VPS26A: variants seen among roughly 807,000 people sequenced by gnomAD.
VPS26A encodes the protein VPS26 retromer complex component A, also known as vacuolar protein sorting-associated protein 26A.
Under a neutral mutation model 42.4 loss-of-function variants are expected in VPS26A, and 22 were observed. The observed-to-expected ratio is 0.52, with a 90% CI of 0.37 to 0.74. The LOEUF is 0.74. VPS26A is among the 30% of genes least tolerant of loss of function. The pLI is 0.00. For missense variants in VPS26A, 276 were observed against 379.2 expected (o/e 0.73, Z 2.26); for synonymous variants, 110 against 123.5 (o/e 0.89, Z 0.73).
chr10:69,138,557 C>G (rs909977017), intron 2 of VPS26A, among the ~76,000 whole-genome samples: 1 of 152,170 alleles, frequency 6.6e-6, no homozygotes, highest in Non-Finnish European at 1.5e-5. Flanking sequence ...GCCATAGTTG[C>G]ATGCAAAGAT....
chr10:69,166,162 T>C, intron 7 of VPS26A, 52 bp downstream of exon 7: 2 of 1,512,978 alleles, frequency 1.3e-6, no homozygotes, highest in Non-Finnish European at 1.8e-6. Context: ...TCAGTGTTCA[T>C]GGCAGTTTTG....
At chr10:69,143,617 C>G (rs886601663) in intron 2 of VPS26A, among the ~76,000 whole-genome samples, 1 of 152,158 alleles carries the variant, frequency 6.6e-6, no homozygotes, top group African/African-American at 2.4e-5. Context: ...CTTGTTTATC[C>G]TGTCTTCTCT....
At chr10:69,149,154 G>A (rs1589355232) in intron 2 of VPS26A, among the ~76,000 whole-genome samples, 1 of 152,086 alleles carries the variant, frequency 6.6e-6, no homozygotes, top group Non-Finnish European at 1.5e-5. Flanking sequence ...AATAGCAAAG[G>A]GGAGAATAAT....
At chr10:69,158,549 C>T (rs1234610026) in intron 5 of VPS26A, among the ~76,000 whole-genome samples, 2 of 151,882 alleles carry the variant, frequency 1.3e-5, no homozygotes, top group African/African-American at 2.4e-5. Flanking sequence ...TCACCTTTAC[C>T]ACTTAATCAC....
chr10:69,147,866 C>T (rs941577681), intron 2 of VPS26A, among the ~76,000 whole-genome samples: 1 of 152,172 alleles, frequency 6.6e-6, no homozygotes, highest in East Asian at 1.9e-4. Flanking sequence ...GCATGTGCCA[C>T]CATGCCCACC....
chr10:69,140,623 G>A (rs1403484541), intron 2 of VPS26A, among the ~76,000 whole-genome samples: 1 of 152,108 alleles, frequency 6.6e-6, no homozygotes, highest in Non-Finnish European at 1.5e-5. Flanking sequence ...GAGCTCAGGC[G>A]ATCCACCTGT....
intron 5 of VPS26A, 87 bp downstream of exon 5, chr10:69,158,298 A>G: frequency 8.9e-7 from 1 of 1,117,366 alleles, no homozygotes; most frequent in Non-Finnish European, 1.2e-6. Context: ...GTAAGGATAG[A>G]ATTGACATTA....
intron 7 of VPS26A, 38 bp from the exon 8 acceptor site, chr10:69,168,451 T>C (rs183282564): frequency 5.1e-5 from 82 of 1,596,480 alleles, no homozygotes; most frequent in Non-Finnish European, 6.3e-5. Flanking sequence ...CTATATTTAA[T>C]CATCTTTAGA....
intron 2 of VPS26A, 72 bp from the exon 3 acceptor site, chr10:69,155,740 A>T: frequency 9.0e-7 from 1 of 1,106,320 alleles, no homozygotes; most frequent in South Asian, 1.3e-5. Flanking sequence ...TATTGCATTC[A>T]TCTGAAAGGA....
chr10:69,139,133 C>A (rs1408084622), intron 2 of VPS26A, among the ~76,000 whole-genome samples: 1 of 152,122 alleles, frequency 6.6e-6, no homozygotes, highest in African/African-American at 2.4e-5. Context: ...TTGTCTGAAG[C>A]TTATTCTCTA....
intron 6 of VPS26A, among the ~76,000 whole-genome samples, chr10:69,165,457 T>C (rs1841664194): frequency 1.3e-5 from 2 of 152,142 alleles, no homozygotes; most frequent in South Asian, 4.1e-4. Context: ...TTAAGTGATT[T>C]TAAAATCACT....
intron 5 of VPS26A, chr10:69,161,994 CTTTT>C (rs36040871): frequency 2.4e-4 from 32 of 132,432 alleles, no homozygotes; most frequent in South Asian, 4.8e-4. Flanking sequence ...CAAAATAGTA[CTTTT>C]TTTTTTTTTT....
chr10:69,137,292 CTT>C (rs1260764395), intron 2 of VPS26A, among the ~76,000 whole-genome samples: 4 of 152,132 alleles, frequency 2.6e-5, no homozygotes, highest in Non-Finnish European at 5.9e-5. Context: ...AAATTTATGT[CTT>C]AGGATTTTTG....
intron 6 of VPS26A, among the ~76,000 whole-genome samples, chr10:69,164,640 C>G (rs1402197050): frequency 6.6e-6 from 1 of 152,068 alleles, no homozygotes; most frequent in African/African-American, 2.4e-5. Flanking sequence ...ATTTTATGGC[C>G]TCTGGGTTTT....
chr10:69,130,960 A>G (rs1676173992), intron 1 of VPS26A, among the ~76,000 whole-genome samples: 4 of 152,024 alleles, frequency 2.6e-5, no homozygotes, highest in Admixed American at 6.6e-5. Flanking sequence ...GATTGTTTCT[A>G]TTTGGGGCTA....
intron 5 of VPS26A, among the ~76,000 whole-genome samples, chr10:69,160,676 T>C (rs995137504): frequency 1.3e-5 from 2 of 152,078 alleles, no homozygotes; most frequent in Non-Finnish European, 2.9e-5. Context: ...GGTCTTGAAC[T>C]CCTGACCTCA....
rs949229633 is a variant in VPS26A, at chr10:69,172,624, G to A, written c.*1355G>A. The A allele has an allele frequency of 6.6e-6, 1 of 151,438 alleles. No individual in the cohort carries two copies. The highest frequency in any genetic ancestry group is 6.6e-5 in the Admixed American group (1 of 15,258). 9.4% of individuals were successfully genotyped at this position (151,438 alleles called of 1,614,324 possible). On this transcript the variant is annotated 3_prime_UTR_variant, in exon 9 of 9. Coordinates refer to ENST00000263559, the MANE Select transcript of VPS26A (RefSeq NM_004896.5). Reference sequence around the variant, plus strand: ...AGGAACCAACTTTACTGGCAAAAGGGTCCATGTACCACCATGTGCTGGAGC... The same window carrying A: ...AGGAACCAACTTTACTGGCAAAAGGATCCATGTACCACCATGTGCTGGAGC...
rs758313238 is a variant in VPS26A at position 69,136,269 on chromosome 10, C to CTT, written c.153+3234_153+3235dup. 4.7e-3 allele frequency among the ~76,000 whole-genome samples: 673 copies of CTT among 142,194 alleles called. 15 individuals carry two copies. Among genetic ancestry groups the CTT allele is most frequent in the African/African-American group, 0.017 (654 of 38,598 alleles). 93.3% of individuals were successfully genotyped at this position (142,194 alleles called of 152,430 possible). A position where few individuals can be genotyped will look rare whatever the true frequency, so the allele number is the denominator to read the frequency against. ...TTCTCTGTCATTTTTCTTTTCTTTTCTTTTTTTTTTTTTGAGACAGAGTCT... is the reference window on the plus strand; with the variant it reads ...TTCTCTGTCATTTTTCTTTTCTTTTCTTTTTTTTTTTTTTTGAGACAGAGTCT... On this transcript the variant is annotated intron_variant, in intron 2 of 8. Coordinates refer to ENST00000263559, the MANE Select transcript of VPS26A (RefSeq NM_004896.5).
chr10:69,174,210 C>T lies in VPS26A; in HGVS notation c.*2941C>T, dbSNP rs562068997. On this transcript the variant is annotated 3_prime_UTR_variant, in exon 9 of 9. Transcript: ENST00000263559. ...CTGTAACACTCAAGGCGAAGGTCCACGGCTCCGTTAAGTCAGCGAGACCGC... is the reference window on the plus strand; with the variant it reads ...CTGTAACACTCAAGGCGAAGGTCCATGGCTCCGTTAAGTCAGCGAGACCGC... 8.4e-3 allele frequency among the ~76,000 whole-genome samples: 504 copies of T among 59,826 alleles called. 2 individuals are homozygous for T. Among genetic ancestry groups the T allele is most frequent in the Middle Eastern group, 0.07 (6 of 86 alleles). 39.2% of individuals were successfully genotyped at this position (59,826 alleles called of 152,430 possible).
Sources: allele counts gnomAD v4.1 joint callset (sites outside exome capture counted in the v4.1 genomes callset), GRCh38; gene constraint gnomAD v4.1.1; transcripts MANE v1.5; gene names NCBI Gene and HGNC (gene_info 2026-07-23, HGNC 2026-07-21).